EIF2AK4: variants seen among roughly 807,000 people sequenced by gnomAD.
The protein encoded by EIF2AK4 is eukaryotic translation initiation factor 2 alpha kinase 4.
Under a neutral mutation model 211.1 loss-of-function variants are expected in EIF2AK4, and 139 were observed. The ratio of observed to expected loss-of-function variants is 0.66; its 90% confidence interval spans 0.57 to 0.76. The LOEUF is 0.76. EIF2AK4 is among the 30% of genes least tolerant of loss of function. The pLI is 0.00. For missense variants in EIF2AK4, 1,664 were observed against 2,043.8 expected (o/e 0.81, Z 3.58); for synonymous variants, 710 against 751.3 (o/e 0.94, Z 0.90).
chr15:40,013,146 A>T (rs1003412291), intron 27 of EIF2AK4, among the ~76,000 whole-genome samples: 2 of 152,180 alleles, frequency 1.3e-5, no homozygotes, highest in Non-Finnish European at 2.9e-5. Flanking sequence ...TTTAAATCGA[A>T]TACATGATTT....
intron 18 of EIF2AK4, among the ~76,000 whole-genome samples, chr15:39,995,481 C>G (rs758114240): frequency 6.6e-6 from 1 of 152,164 alleles, no homozygotes; most frequent in Non-Finnish European, 1.5e-5. Context: ...GTGTCATGCT[C>G]GGTTTCCTCA....
intron 21 of EIF2AK4, 108 bp from the exon 22 acceptor site, chr15:40,002,605 G>T: frequency 8.5e-7 from 1 of 1,174,698 alleles, no homozygotes; most frequent in South Asian, 1.3e-5. Flanking sequence ...CTTGTTTTTT[G>T]AACCTGGAAA....
At chr15:40,005,413 C>T (rs934316382) in intron 23 of EIF2AK4, among the ~76,000 whole-genome samples, 1 of 151,644 alleles carries the variant, frequency 6.6e-6, no homozygotes, top group Non-Finnish European at 1.5e-5. Context: ...AGGAGAATCA[C>T]TTGAACCCGG....
chr15:40,029,288 G>T lies in EIF2AK4; in HGVS notation c.4503-118G>T, dbSNP rs2035506775. ...TTTTTGTTTTTCCACCAATAACCAA[G>T]AAGATGTTTTTATATTTAATGGAAA... On this transcript the variant is annotated intron_variant, in intron 33 of 38. Coordinates refer to ENST00000263791, the MANE Select transcript of EIF2AK4 (RefSeq NM_001013703.4). 4 of 1,401,584 alleles carry T rather than the reference G, an allele frequency of 2.9e-6. No individual in the cohort carries two copies. In the Admixed American group the frequency reaches 8.3e-5, roughly 29 times the overall value. 86.8% of individuals were successfully genotyped at this position (1,401,584 alleles called of 1,614,324 possible).
At chr15:39,942,239 G>A (rs866558468) in intron 2 of EIF2AK4, among the ~76,000 whole-genome samples, 2 of 152,088 alleles carry the variant, frequency 1.3e-5, no homozygotes, top group East Asian at 1.9e-4. Context: ...AGAGACTCCC[G>A]GGTTAGATTC....
intron 32 of EIF2AK4, among the ~76,000 whole-genome samples, chr15:40,024,403 C>CTTT (rs554877205): frequency 1.0e-3 from 91 of 90,748 alleles, no homozygotes; most frequent in Non-Finnish European, 1.3e-3. Flanking sequence ...TTGAGTTTTC[C>CTTT]TTTTTTTTTT....
At chr15:39,982,903 C>A (rs1595408252) in intron 13 of EIF2AK4, among the ~76,000 whole-genome samples, 2 of 152,168 alleles carry the variant, frequency 1.3e-5, no homozygotes, top group Admixed American at 1.3e-4. Context: ...GCATAGTATT[C>A]TATAGTGTAT....
At chr15:40,009,275 G>A (rs766847955) in intron 25 of EIF2AK4, among the ~76,000 whole-genome samples, 5 of 151,756 alleles carry the variant, frequency 3.3e-5, no homozygotes, top group Non-Finnish European at 5.9e-5. Flanking sequence ...TTTTTGTAGA[G>A]ATGGGGTTTC....
At chr15:39,984,797 G>A (rs1405816440) in intron 13 of EIF2AK4, among the ~76,000 whole-genome samples, 1 of 152,186 alleles carries the variant, frequency 6.6e-6, no homozygotes, top group Non-Finnish European at 1.5e-5. Context: ...TCATCTGCAA[G>A]CAGAGATAAT....
intron 20 of EIF2AK4, 85 bp from the exon 21 acceptor site, chr15:40,000,903 C>A: frequency 7.3e-7 from 1 of 1,365,132 alleles, no homozygotes; most frequent in Non-Finnish European, 1.0e-6. Flanking sequence ...TTTTCTTTGA[C>A]CTGAACTGAC....
rs1329390189 is a variant in EIF2AK4 at position 40,009,682 on chromosome 15, C to T, written c.3645C>T (p.Ile1215=). The T allele has an allele frequency of 3.7e-6, 6 of 1,610,200 alleles. No individual in the cohort carries two copies. Among genetic ancestry groups the T allele is most frequent in the Non-Finnish European group, 5.1e-6 (6 of 1,178,146 alleles). ...LLKAILLHCG[I]PEDKLSQVYI... is the part of the protein sequence containing the mutation. ...AAGCAATACTCTTACACTGTGGGAT[C>T]CCAGAAGATAAACTCAGTCAAGTCT... The change falls in exon 26 of 39, where the codon ATC becomes ATT. Residue 1215 remains isoleucine, a synonymous_variant. Coordinates refer to ENST00000263791, the MANE Select transcript of EIF2AK4 (RefSeq NM_001013703.4).
chr15:40,026,838 A>G (rs149039084), intron 33 of EIF2AK4, among the ~76,000 whole-genome samples: 1 of 152,290 alleles, frequency 6.6e-6, no homozygotes, highest in African/African-American at 2.4e-5. Flanking sequence ...AAAAGCCTTA[A>G]AACTAAACAT....
chr15:40,008,403 G>A (rs544627566), intron 25 of EIF2AK4, among the ~76,000 whole-genome samples: 5 of 152,252 alleles, frequency 3.3e-5, no homozygotes, highest in African/African-American at 1.2e-4. Flanking sequence ...TTGTTTTGGG[G>A]GATGGGTATT....
chr15:40,019,073 CTGTT>C lies in EIF2AK4; in HGVS notation c.4066-16_4066-13del. On this transcript the variant is annotated splice_polypyrimidine_tract_variant and intron_variant, in intron 29 of 38. Coordinates refer to ENST00000263791, the MANE Select transcript of EIF2AK4 (RefSeq NM_001013703.4). ...TTTCTTTCCTATTTCATAACCATAA[CTGTT>C]TGTGTCTCTCCACAGATTCCCCAGT... 3 of 1,558,222 alleles carry C rather than the reference CTGTT, an allele frequency of 1.9e-6. No homozygotes were observed. The highest frequency in any genetic ancestry group is 1.2e-5 in the South Asian group (1 of 86,578).
chr15:39,943,363 T>TC lies in EIF2AK4; in HGVS notation c.258-20_258-19insC. 7.1e-7 allele frequency: 1 copy of TC among 1,411,426 alleles called. No homozygotes were observed. The highest frequency in any genetic ancestry group is 9.4e-7 in the Non-Finnish European group (1 of 1,058,728). 87.4% of individuals were successfully genotyped at this position (1,411,426 alleles called of 1,614,324 possible). On this transcript the variant is annotated intron_variant, in intron 2 of 38. Coordinates refer to ENST00000263791, the MANE Select transcript of EIF2AK4 (RefSeq NM_001013703.4). ...TTCTGGAGTAACTCTTTTTTTTTTTTTTTTTTTTGCCTTTTCCAGAGTTCC... is the reference window on the plus strand; with the variant it reads ...TTCTGGAGTAACTCTTTTTTTTTTTTCTTTTTTTTGCCTTTTCCAGAGTTCC...
At chr15:39,952,313 C>T (rs1165530759) in intron 4 of EIF2AK4, among the ~76,000 whole-genome samples, 1 of 138,550 alleles carries the variant, frequency 7.2e-6, no homozygotes, top group African/African-American at 2.7e-5. Context: ...TTTTTTGAGA[C>T]AGCATCGTGC....
Position 39,967,758 on chromosome 15 carries a change from A to T in EIF2AK4, c.1432A>T (p.Lys478Ter). 1 of 1,614,188 alleles carries T rather than the reference A, an allele frequency of 6.2e-7. No individual in the cohort carries two copies. Among genetic ancestry groups the T allele is most frequent in the Non-Finnish European group, 8.5e-7 (1 of 1,180,022 alleles). Reference sequence around the variant, plus strand: ...TGCTCTGCCTTATAAAACGGGGAAGAAAGGAGATGTTTGGCGTCTTGGCCT... The same window carrying T: ...TGCTCTGCCTTATAAAACGGGGAAGTAAGGAGATGTTTGGCGTCTTGGCCT... ...DNALPYKTGKKGDVWRLGLLL... is the reference protein window; with the variant it reads ...DNALPYKTGK The change falls in exon 9 of 39, where the codon AAA becomes TAA. Residue 478 changes from lysine to a stop codon, truncating the protein, a stop_gained. Transcript: ENST00000263791. LOFTEE classifies it high-confidence loss of function.
intron 8 of EIF2AK4, among the ~76,000 whole-genome samples, chr15:39,966,180 T>C (rs1367853481): frequency 2.0e-5 from 3 of 152,272 alleles, no homozygotes; most frequent in Middle Eastern, 3.4e-3. Context: ...CTTGAAATAT[T>C]GCTTCAGGGC....
At position 40,035,009 on chromosome 15, in the gene EIF2AK4, T is replaced by C; in HGVS notation, c.4893-18T>C. On this transcript the variant is annotated intron_variant, in intron 38 of 38. Coordinates refer to ENST00000263791, the MANE Select transcript of EIF2AK4 (RefSeq NM_001013703.4). ...ATTAAACTGAGTCTGTCCTTATATC[T>C]TTTCTTTTCTTTTGCAGGGTGTCTG... The C allele has an allele frequency of 6.5e-7, 1 of 1,548,944 alleles. No individual in the cohort carries two copies. The highest frequency in any genetic ancestry group is 8.7e-7 in the Non-Finnish European group (1 of 1,152,330).
Sources: gnomAD v4.1 joint callset for allele counts (sites outside exome capture counted in the v4.1 genomes callset) on GRCh38, gnomAD v4.1.1 for gene constraint, MANE v1.5 for transcripts, NCBI Gene and HGNC (gene_info 2026-07-23, HGNC 2026-07-21) for gene names.